The following RORA variants were observed in gnomAD, a reference collection of about 807,000 sequenced individuals.
RORA encodes nuclear receptor ROR-alpha.
RORA carries 7 observed loss-of-function variants against 69.5 expected under a neutral mutation model. The ratio of observed to expected loss-of-function variants is 0.10; its 90% confidence interval spans 0.06 to 0.19. RORA has a LOEUF of 0.19. RORA is among the 10% of genes least tolerant of loss of function. The pLI is 1.00. For missense variants in RORA, 457 were observed against 663.0 expected (o/e 0.69, Z 3.41); for synonymous variants, 261 against 240.8 (o/e 1.08, Z -0.78).
chr15:60,676,062 T>C (rs1039734519), intron 2 of RORA, among the ~76,000 whole-genome samples: 2 of 152,314 alleles, frequency 1.3e-5, no homozygotes, highest in African/African-American at 2.4e-5. Flanking sequence ...GTGAAACTTT[T>C]TGAAGAACAG....
intron 1 of RORA, among the ~76,000 whole-genome samples, chr15:60,947,688 TAAAA>T (rs35887206): frequency 9.7e-5 from 10 of 102,952 alleles, no homozygotes; most frequent in African/African-American, 2.1e-4. Context: ...GAATGATCAA[TAAAA>T]AAAAAAAAAA....
chr15:61,098,592 C>T (rs987367194), intron 1 of RORA, among the ~76,000 whole-genome samples: 17 of 152,272 alleles, frequency 1.1e-4, no homozygotes, highest in African/African-American at 4.1e-4. Context: ...GTCCTTCCGA[C>T]TTGGCCTCCT....
At chr15:60,673,779 A>G (rs373647478) in intron 2 of RORA, among the ~76,000 whole-genome samples, 1 of 152,138 alleles carries the variant, frequency 6.6e-6, no homozygotes. Context: ...TTTACTTACA[A>G]CTAGTCTGTA....
At chr15:60,561,877 T>A (rs2067571176) in intron 2 of RORA, among the ~76,000 whole-genome samples, 1 of 152,140 alleles carries the variant, frequency 6.6e-6, no homozygotes, top group Non-Finnish European at 1.5e-5. Flanking sequence ...CTGCCTCCAT[T>A]ATCTTCATGT....
chr15:61,071,130 T>A (rs1355425017), intron 1 of RORA, among the ~76,000 whole-genome samples: 1 of 145,142 alleles, frequency 6.9e-6, no homozygotes, highest in Non-Finnish European at 1.5e-5. Context: ...CTAACCAATA[T>A]TACCAATATG....
intron 1 of RORA, among the ~76,000 whole-genome samples, chr15:61,151,103 CTCTTTT>C (rs1443082721): frequency 1.4e-5 from 2 of 147,112 alleles, no homozygotes; most frequent in African/African-American, 4.9e-5. Context: ...ATGAATAGCA[CTCTTTT>C]ACTCTATGCC....
At chr15:60,597,549 A>AT (rs1335197252) in intron 2 of RORA, among the ~76,000 whole-genome samples, 22 of 37,544 alleles carry the variant, frequency 5.9e-4, no homozygotes, top group Non-Finnish European at 7.5e-4. Flanking sequence ...ACACACACAC[A>AT]ACATATATAT....
At chr15:60,844,613 A>C (rs1039067478) in intron 1 of RORA, among the ~76,000 whole-genome samples, 14 of 152,356 alleles carry the variant, frequency 9.2e-5, no homozygotes, top group Non-Finnish European at 2.1e-4. Flanking sequence ...CAAAGAAGAT[A>C]AGATCACCAT....
chr15:60,944,216 G>T (rs1316240498), intron 1 of RORA, among the ~76,000 whole-genome samples: 1 of 152,128 alleles, frequency 6.6e-6, no homozygotes, highest in Non-Finnish European at 1.5e-5. Flanking sequence ...TCCCACCTGG[G>T]AAGTCTGATG....
At chr15:61,140,662 T>C (rs2079289380) in intron 1 of RORA, among the ~76,000 whole-genome samples, 1 of 151,784 alleles carries the variant, frequency 6.6e-6, no homozygotes. Context: ...AATAGCAATG[T>C]GGAGATATGG....
rs144871306 is a variant in RORA, at chr15:60,695,003, A to G, written c.167-16317T>C. Among the ~76,000 whole-genome samples, 3 of 152,270 alleles carry G rather than the reference A, an allele frequency of 2.0e-5. No homozygotes were observed. In the East Asian group the frequency reaches 5.8e-4, roughly 29 times the overall value. ...CAGGCTTGCCATCTACCCCCGGTTG[A>G]CTGCATAATTGTTCTTGCTCTGCCC... On this transcript the variant is annotated intron_variant, in intron 1 of 10. Coordinates refer to ENST00000335670, the MANE Select transcript of RORA (RefSeq NM_134261.3).
At chr15:60,796,992 A>G (rs892078621) in intron 1 of RORA, among the ~76,000 whole-genome samples, 5 of 148,682 alleles carry the variant, frequency 3.4e-5, no homozygotes, top group African/African-American at 1.2e-4. Context: ...TAGGTTTATC[A>G]TTATTTATGT....
At chr15:61,033,705 T>G (rs775766308) in intron 1 of RORA, among the ~76,000 whole-genome samples, 6 of 5,032 alleles carry the variant, frequency 1.2e-3, no homozygotes, top group Non-Finnish European at 3.2e-3. Context: ...CAGTCTGAAT[T>G]GAGATGTGCT....
At chr15:60,592,919 G>A (rs1286788021) in intron 2 of RORA, 1 of 455,676 alleles carries the variant, frequency 2.2e-6, no homozygotes, top group Non-Finnish European at 4.4e-6. Context: ...CCACTCTCCC[G>A]CTGGCTTGCC....
intron 1 of RORA, among the ~76,000 whole-genome samples, chr15:61,040,113 G>GATAT (rs60830259): frequency 0.016 from 738 of 46,118 alleles, 15 homozygotes; most frequent in Non-Finnish European, 0.019. Context: ...CACAAGCTTT[G>GATAT]ATATATATAT....
rs751877548 is a variant in RORA at position 61,229,241 on chromosome 15, G to T, written c.-23C>A. 3 of 1,249,358 alleles carry T rather than the reference G, an allele frequency of 2.4e-6. No individual in the cohort carries two copies. The South Asian group carries it at 4.3e-5, about 18-fold the overall frequency. 77.4% of individuals were successfully genotyped at this position (1,249,358 alleles called of 1,614,324 possible). A position where few individuals can be genotyped will look rare whatever the true frequency, so the allele number is the denominator to read the frequency against. On this transcript the variant is annotated 5_prime_UTR_variant, in exon 1 of 11. Transcript: ENST00000335670. Reference sequence around the variant, plus strand: ...CATGTTTTTTCCCAATGTAGAGATCGCTGGAGATGGCGAGCTCCGAGACTC... The same window carrying T: ...CATGTTTTTTCCCAATGTAGAGATCTCTGGAGATGGCGAGCTCCGAGACTC...
intron 1 of RORA, among the ~76,000 whole-genome samples, chr15:60,701,494 A>C (rs1210230983): frequency 2.0e-5 from 3 of 152,198 alleles, no homozygotes; most frequent in Non-Finnish European, 4.4e-5. Context: ...GTGTCCGGTG[A>C]ACAAAGGATT....
chr15:61,112,394 C>T (rs755381588), intron 1 of RORA, among the ~76,000 whole-genome samples: 9 of 151,982 alleles, frequency 5.9e-5, no homozygotes, highest in Non-Finnish European at 8.8e-5. Flanking sequence ...GGAGAGTGTG[C>T]GCGTTTCCAG....
At chr15:60,955,805 G>A (rs1893251704) in intron 1 of RORA, among the ~76,000 whole-genome samples, 1 of 152,146 alleles carries the variant, frequency 6.6e-6, no homozygotes, top group Admixed American at 6.5e-5. Context: ...CGCCTCTCTA[G>A]TTCTTCCTTG....
Sources: gnomAD v4.1 joint callset for allele counts (sites outside exome capture counted in the v4.1 genomes callset) on GRCh38, gnomAD v4.1.1 for gene constraint, MANE v1.5 for transcripts, NCBI Gene and HGNC (gene_info 2026-07-23, HGNC 2026-07-21) for gene names.